The following ABR variants were observed in gnomAD, a reference collection of about 807,000 sequenced individuals.
ABR encodes active breakpoint cluster region-related protein.
In ABR, 35 loss-of-function variants were observed where a neutral mutation model predicts 107.2. The ratio of observed to expected loss-of-function variants is 0.33; its 90% CI spans 0.25 to 0.43. The LOEUF (loss-of-function observed/expected upper bound fraction) is 0.43. Ranked by LOEUF, ABR falls within the 20% of genes least tolerant of loss-of-function variation. The pLI is 1.00. For synonymous variants in ABR, 498 were observed against 462.0 expected, an observed-to-expected ratio of 1.08 and a Z score of -1.00; for missense variants, 815 against 1,115.2, an observed-to-expected ratio of 0.73 and a Z score of 3.83.
intron 1 of ABR, among the ~76,000 whole-genome samples, chr17:1,173,482 T>C (rs1041894142): frequency 6.6e-6 from 1 of 151,146 alleles, no homozygotes. Flanking sequence ...GGGCTCAAGC[T>C]CAGCCAAACA....
intron 16 of ABR, among the ~76,000 whole-genome samples, chr17:1,049,113 C>G (rs2032121689): frequency 6.6e-6 from 1 of 152,198 alleles, no homozygotes; most frequent in Admixed American, 6.5e-5. Context: ...GCTGCACACA[C>G]AGAGGCCTTT....
Position 1,031,848 on chromosome 17 carries a change from G to GCCTC in ABR, c.1791+18198_1791+18201dup, listed in dbSNP as rs1269423958. On this transcript the variant is annotated intron_variant, in intron 16 of 22. Transcript: ENST00000302538. Reference sequence around the variant, plus strand: ...AGTCCCGCCGGCTTTCCCCGCGCTCGCCTCCCTCCCTCCCTCCCTCCCCGC... The same window carrying GCCTC: ...AGTCCCGCCGGCTTTCCCCGCGCTCGCCTCCCTCCCTCCCTCCCTCCCTCCCCGC... 527 of 928,500 alleles carry GCCTC rather than the reference G, an allele frequency of 5.7e-4. 1 individual carries two copies. The Middle Eastern group carries it at 8.9e-3, about 16-fold the overall frequency. 57.5% of individuals were successfully genotyped at this position (928,500 alleles called of 1,614,324 possible).
chr17:1,226,415 G>C (rs1326575781), intron 1 of ABR, among the ~76,000 whole-genome samples: 1 of 152,132 alleles, frequency 6.6e-6, no homozygotes, highest in Non-Finnish European at 1.5e-5. Flanking sequence ...GCATGTATGT[G>C]GCAGTGTGCC....
chr17:1,046,468 G>A (rs2031637518), intron 16 of ABR, among the ~76,000 whole-genome samples: 2 of 151,990 alleles, frequency 1.3e-5, no homozygotes, highest in Non-Finnish European at 2.9e-5. Context: ...AAGGGGTTTT[G>A]CCATGTTGGC....
At chr17:1,113,650 C>T (rs1226627355) in intron 2 of ABR, among the ~76,000 whole-genome samples, 2 of 152,156 alleles carry the variant, frequency 1.3e-5, no homozygotes, top group Admixed American at 6.5e-5. Flanking sequence ...CGTGACTCCC[C>T]GTTGGCTGCG....
intron 21 of ABR, among the ~76,000 whole-genome samples, chr17:1,009,444 A>C (rs1333947982): frequency 2.6e-5 from 4 of 152,194 alleles, no homozygotes; most frequent in Admixed American, 2.6e-4. Flanking sequence ...CGGGACCCAA[A>C]TATTTCTCAA....
intron 1 of ABR, among the ~76,000 whole-genome samples, chr17:1,160,947 C>T (rs1266688074): frequency 1.3e-5 from 2 of 152,334 alleles, no homozygotes; most frequent in East Asian, 1.9e-4. Flanking sequence ...TCTCTGGCCC[C>T]GCCACCTGTA....
At chr17:1,043,877 C>T (rs1186275607) in intron 16 of ABR, among the ~76,000 whole-genome samples, 6 of 152,116 alleles carry the variant, frequency 3.9e-5, no homozygotes, top group Admixed American at 6.5e-5. Context: ...CCCCAGCCTG[C>T]GGTGAGCGAG....
intron 1 of ABR, among the ~76,000 whole-genome samples, chr17:1,227,030 G>A (rs949866928): frequency 6.6e-6 from 1 of 152,122 alleles, no homozygotes; most frequent in Non-Finnish European, 1.5e-5. Flanking sequence ...CTGAAATCTA[G>A]CCCAGGCATC....
At position 1,050,426 on chromosome 17, in the gene ABR, A is replaced by G. The variant is rs1389187051; in HGVS notation, c.1659+111T>C. 6 of 1,092,060 alleles carry G rather than the reference A, an allele frequency of 5.5e-6. No individual in the cohort carries two copies. The highest frequency in any genetic ancestry group is 5.3e-5 in the Admixed American group (3 of 56,198). The allele number at this position is 1,092,060 out of a possible 1,614,324, so 67.6% of individuals were successfully genotyped here. Reference sequence around the variant, plus strand: ...GAAGCCAGAGGAGCAGGGAGCAGAAAGGGGGGTGCAGACATAGCTGGTCCA... The same window carrying G: ...GAAGCCAGAGGAGCAGGGAGCAGAAGGGGGGGTGCAGACATAGCTGGTCCA... On this transcript the variant is annotated intron_variant, in intron 15 of 22. Coordinates refer to ENST00000302538, the MANE Select transcript of ABR (RefSeq NM_021962.5). This position sits in a 1 kb window ranked among gnomAD's most constrained non-coding sequence, Gnocchi z 4.6.
At chr17:1,014,690 C>CA (rs1567573897) in intron 16 of ABR, among the ~76,000 whole-genome samples, 2 of 150,314 alleles carry the variant, frequency 1.3e-5, no homozygotes, top group Non-Finnish European at 3.0e-5. Context: ...AAAAAAAATA[C>CA]AAAAAATTAG....
At position 1,050,501 on chromosome 17, in the gene ABR, G is replaced by A. The variant is rs201542600; in HGVS notation, c.1659+36C>T. The A allele has an allele frequency of 4.5e-3, 7,152 of 1,584,762 alleles. 18 individuals carry two copies. Among genetic ancestry groups the A allele is most frequent in the Non-Finnish European group, 5.6e-3 (6,439 of 1,153,858 alleles). ...AGACAAGCCACGAGCACGGGGTGGTGGGGTCCCCACAGAGATGCCAGCCCC... is the reference window on the plus strand; with the variant it reads ...AGACAAGCCACGAGCACGGGGTGGTAGGGTCCCCACAGAGATGCCAGCCCC... On this transcript the variant is annotated intron_variant, in intron 15 of 22. Transcript: ENST00000302538. The surrounding 1 kb of genome is among the most constrained non-coding windows in gnomAD (Gnocchi z 4.6).
intron 3 of ABR, among the ~76,000 whole-genome samples, chr17:1,098,930 G>A (rs140555769): frequency 7.2e-4 from 109 of 150,804 alleles, no homozygotes; most frequent in East Asian, 7.1e-3. Flanking sequence ...GGATTACAGG[G>A]GCCCGCCACC....
chr17:1,188,017 A>G (rs1287456222), upstream of ABR, among the ~76,000 whole-genome samples: 8 of 151,880 alleles, frequency 5.3e-5, no homozygotes, highest in African/African-American at 1.9e-4. Flanking sequence ...GGAGTTCCAG[A>G]CCAGCCTGGC....
At chr17:1,018,614 G>A (rs1448634312) in intron 16 of ABR, among the ~76,000 whole-genome samples, 1 of 152,158 alleles carries the variant, frequency 6.6e-6, no homozygotes, top group Non-Finnish European at 1.5e-5. Flanking sequence ...GTCGGGGGGA[G>A]TGTGCAGGAT....
At chr17:1,222,944 G>A (rs2043144660) in intron 1 of ABR, among the ~76,000 whole-genome samples, 1 of 117,114 alleles carries the variant, frequency 8.5e-6, no homozygotes, top group South Asian at 2.6e-4. Context: ...GCTTACACCT[G>A]TAATCCCAGC....
intron 1 of ABR, among the ~76,000 whole-genome samples, chr17:1,158,543 G>A (rs1193988713): frequency 2.0e-5 from 3 of 151,742 alleles, no homozygotes; most frequent in East Asian, 2.0e-4. Context: ...CAGGCAGATC[G>A]CCTGAGGTCA....
At chr17:1,193,005 G>A (rs372410773) in intron 1 of ABR, among the ~76,000 whole-genome samples, 3 of 152,178 alleles carry the variant, frequency 2.0e-5, no homozygotes, top group Admixed American at 6.5e-5. Flanking sequence ...CCGAGATTGC[G>A]CCATTGCACT....
chr17:1,203,400 CG>C (rs566459238), intron 1 of ABR, among the ~76,000 whole-genome samples: 17,975 of 21,118 alleles, frequency 0.85, 7,515 homozygotes, highest in Middle Eastern at 0.87. Context: ...GCGGGGCCCG[CG>C]GGGGGCGGAG....
Sources: gnomAD v4.1 joint callset for allele counts (sites outside exome capture counted in the v4.1 genomes callset) on GRCh38, gnomAD v4.1.1 for gene constraint, Gnocchi (gnomAD v3.1) non-coding constraint, MANE v1.5 for transcripts, NCBI Gene and HGNC (gene_info 2026-07-23, HGNC 2026-07-21) for gene names.